CACNA2D3: variants seen among roughly 807,000 people sequenced by gnomAD.
CACNA2D3 encodes the protein voltage-dependent calcium channel subunit alpha-2/delta-3.
Under a neutral mutation model 160.6 loss-of-function variants are expected in CACNA2D3, and 60 were observed. The observed-to-expected ratio is 0.37, with a 90% CI of 0.30 to 0.46. CACNA2D3 has a LOEUF of 0.46. CACNA2D3 is among the 20% of genes least tolerant of loss of function. The pLI, the probability that CACNA2D3 is intolerant of heterozygous loss-of-function variation, is 1.00. For synonymous variants in CACNA2D3, 558 were observed against 492.9 expected (o/e 1.13, Z -1.75); for missense variants, 1,205 against 1,365.0 (o/e 0.88, Z 1.85).
intron 27 of CACNA2D3, among the ~76,000 whole-genome samples, chr3:54,952,013 T>C (rs1252910387): frequency 6.6e-6 from 1 of 152,104 alleles, no homozygotes; most frequent in Non-Finnish European, 1.5e-5. Flanking sequence ...CATACCTGGC[T>C]AATTTTTGTC....
At chr3:54,708,603 A>G (rs142892522) in intron 11 of CACNA2D3, among the ~76,000 whole-genome samples, 40 of 152,306 alleles carry the variant, frequency 2.6e-4, no homozygotes, top group African/African-American at 9.6e-4. Context: ...CCAAGTATGC[A>G]GGAGGTAGAG....
intron 3 of CACNA2D3, among the ~76,000 whole-genome samples, chr3:54,367,376 T>TA (rs1416467181): frequency 2.0e-5 from 3 of 152,178 alleles, no homozygotes; most frequent in Non-Finnish European, 2.9e-5. Flanking sequence ...CATCGGCACT[T>TA]AAATGTCCCT....
intron 34 of CACNA2D3, among the ~76,000 whole-genome samples, chr3:55,011,621 C>T (rs1054953691): frequency 6.6e-6 from 1 of 151,812 alleles, no homozygotes; most frequent in Non-Finnish European, 1.5e-5. Flanking sequence ...GAAACAAAAC[C>T]GTATATACAC....
At chr3:54,454,494 A>C (rs999395015) in intron 4 of CACNA2D3, among the ~76,000 whole-genome samples, 1 of 152,132 alleles carries the variant, frequency 6.6e-6, no homozygotes, top group Non-Finnish European at 1.5e-5. Context: ...AATTGTACAT[A>C]TTTAGGGGGT....
At chr3:54,229,841 A>G (rs1052814559) in intron 2 of CACNA2D3, among the ~76,000 whole-genome samples, 1 of 152,084 alleles carries the variant, frequency 6.6e-6, no homozygotes, top group Non-Finnish European at 1.5e-5. Context: ...TCTTGTTCAG[A>G]CCACTCATTT....
intron 4 of CACNA2D3, among the ~76,000 whole-genome samples, chr3:54,466,355 G>GT (rs1399345876): frequency 2.0e-5 from 3 of 152,090 alleles, no homozygotes; most frequent in Non-Finnish European, 2.9e-5. Flanking sequence ...GTTAAATTCA[G>GT]GATTCTTTCT....
chr3:54,885,706 A>C lies in CACNA2D3; in HGVS notation c.2056+120A>C, dbSNP rs899581450. 1.0e-5 allele frequency: 7 copies of C among 687,358 alleles called. No individual in the cohort carries two copies. The African/African-American group carries it at 1.3e-4, about 12-fold the overall frequency. 42.6% of individuals were successfully genotyped at this position (687,358 alleles called of 1,614,324 possible). ...TGCTTTGGCAGAGATTATCAGTCACATGAAATCTAATCAAATATCTGCTTC... is the reference window on the plus strand; with the variant it reads ...TGCTTTGGCAGAGATTATCAGTCACCTGAAATCTAATCAAATATCTGCTTC... On this transcript the variant is annotated intron_variant, in intron 23 of 37. Coordinates refer to ENST00000474759, the MANE Select transcript of CACNA2D3 (RefSeq NM_018398.3).
chr3:54,796,667 T>A (rs1702872371), intron 13 of CACNA2D3, among the ~76,000 whole-genome samples: 1 of 152,208 alleles, frequency 6.6e-6, no homozygotes, highest in Admixed American at 6.6e-5. Flanking sequence ...GATTCTCTAA[T>A]CAGGAGCATC....
At chr3:54,484,786 G>A (rs561012877) in intron 4 of CACNA2D3, among the ~76,000 whole-genome samples, 22 of 151,984 alleles carry the variant, frequency 1.4e-4, no homozygotes, top group African/African-American at 5.3e-4. Context: ...ACCCTTTTTA[G>A]TCTGTTGTGA....
intron 34 of CACNA2D3, among the ~76,000 whole-genome samples, chr3:55,017,962 A>G (rs1475907272): frequency 1.3e-5 from 2 of 152,182 alleles, no homozygotes; most frequent in Non-Finnish European, 2.9e-5. Context: ...CAGAAAGTAG[A>G]ATTCTTGTGA....
chr3:54,249,184 G>T (rs1182884271), intron 2 of CACNA2D3, among the ~76,000 whole-genome samples: 2 of 152,174 alleles, frequency 1.3e-5, no homozygotes, highest in Non-Finnish European at 2.9e-5. Flanking sequence ...TGACCTTGTT[G>T]TTGTTTTCGT....
chr3:54,487,388 C>G (rs1300767258), intron 4 of CACNA2D3, among the ~76,000 whole-genome samples: 1 of 152,092 alleles, frequency 6.6e-6, no homozygotes, highest in Admixed American at 6.5e-5. Flanking sequence ...AAAAACCAGA[C>G]AGTCCTTTGC....
At chr3:54,794,201 C>G (rs62254484) in intron 13 of CACNA2D3, among the ~76,000 whole-genome samples, 2 of 151,924 alleles carry the variant, frequency 1.3e-5, no homozygotes, top group Non-Finnish European at 2.9e-5. Context: ...TCCATTTTAT[C>G]TCCACTTCTG....
At chr3:54,862,906 G>C (rs1699323130) in intron 17 of CACNA2D3, among the ~76,000 whole-genome samples, 1 of 152,172 alleles carries the variant, frequency 6.6e-6, no homozygotes, top group African/African-American at 2.4e-5. Flanking sequence ...TCAATTAGTT[G>C]TCCCTAATTG....
chr3:54,381,913 A>G (rs1187637391), intron 3 of CACNA2D3, among the ~76,000 whole-genome samples: 1 of 152,176 alleles, frequency 6.6e-6, no homozygotes, highest in Non-Finnish European at 1.5e-5. Context: ...ATGAATTACA[A>G]CCTTTTAGCT....
At chr3:54,301,997 A>G (rs1703487102) in intron 2 of CACNA2D3, among the ~76,000 whole-genome samples, 1 of 152,240 alleles carries the variant, frequency 6.6e-6, no homozygotes, top group Admixed American at 6.5e-5. Context: ...AAGCCTGTCA[A>G]ACAATTATAC....
chr3:54,924,773 T>C, intron 27 of CACNA2D3: 1 of 1,613,938 alleles, frequency 6.2e-7, no homozygotes, highest in South Asian at 1.1e-5. Flanking sequence ...GAACCGCAAG[T>C]ATAGTTAGGT....
chr3:54,930,597 A>G (rs572429151), intron 27 of CACNA2D3, among the ~76,000 whole-genome samples: 4 of 152,242 alleles, frequency 2.6e-5, no homozygotes, highest in Non-Finnish European at 5.9e-5. Flanking sequence ...AAGGCAGTCA[A>G]GGACACTTCT....
At chr3:54,139,044 A>G (rs1467543818) in intron 2 of CACNA2D3, among the ~76,000 whole-genome samples, 3 of 152,164 alleles carry the variant, frequency 2.0e-5, no homozygotes, top group Non-Finnish European at 2.9e-5. Context: ...CTGGCCTGAC[A>G]CTGCTGAGCT....
Sources: allele counts gnomAD v4.1 joint callset (sites outside exome capture counted in the v4.1 genomes callset), GRCh38; gene constraint gnomAD v4.1.1; transcripts MANE v1.5; gene names NCBI Gene and HGNC (gene_info 2026-07-23, HGNC 2026-07-21).